The following LRRTM4 variants were observed in gnomAD, a reference collection of about 807,000 sequenced individuals.
LRRTM4 encodes leucine-rich repeat transmembrane neuronal protein 4.
Under a neutral mutation model 47.6 loss-of-function variants are expected in LRRTM4, and 25 were observed. That is an observed-to-expected ratio of 0.53 (90% CI 0.38 to 0.73). The LOEUF is 0.73. LRRTM4 is among the 30% of genes least tolerant of loss of function. LRRTM4 has a pLI of 0.00. For missense variants in LRRTM4, 638 were observed against 713.4 expected (o/e 0.89, Z 1.20); for synonymous variants, 311 against 269.5 (o/e 1.15, Z -1.51).
intron 3 of LRRTM4, among the ~76,000 whole-genome samples, chr2:77,049,149 T>TAC (rs1558549492): frequency 1.5e-5 from 2 of 135,432 alleles, no homozygotes; most frequent in African/African-American, 3.0e-5. Flanking sequence ...TATATATATA[T>TAC]ATATATATAC....
chr2:76,758,036 G>C (rs1405251169), intron 3 of LRRTM4, among the ~76,000 whole-genome samples: 1 of 152,144 alleles, frequency 6.6e-6, no homozygotes, highest in Non-Finnish European at 1.5e-5. Context: ...CCAATATTTA[G>C]AGTAGCCTAT....
intron 3 of LRRTM4, among the ~76,000 whole-genome samples, chr2:77,126,138 C>T (rs1671647309): frequency 6.6e-6 from 1 of 151,608 alleles, no homozygotes; most frequent in Non-Finnish European, 1.5e-5. Flanking sequence ...TATTTGTTTA[C>T]CCCCACTCAA....
chr2:77,516,634 C>A, intron 3 of LRRTM4: 1 of 983,262 alleles, frequency 1.0e-6, no homozygotes, highest in Non-Finnish European at 1.2e-6. Context: ...AATTGTGGGC[C>A]TGCAATAAAA....
At chr2:77,137,455 A>C (rs915183285) in intron 3 of LRRTM4, among the ~76,000 whole-genome samples, 15 of 152,040 alleles carry the variant, frequency 9.9e-5, no homozygotes, top group Admixed American at 3.3e-4. Context: ...GGCCTGCCCT[A>C]CAGGAGCACC....
chr2:77,393,864 G>A (rs1316934066), intron 3 of LRRTM4, among the ~76,000 whole-genome samples: 1 of 151,824 alleles, frequency 6.6e-6, no homozygotes. Flanking sequence ...AGAGTCCAGG[G>A]TTGCCAGATT....
chr2:77,095,026 C>G (rs1670768360), intron 3 of LRRTM4, among the ~76,000 whole-genome samples: 1 of 152,078 alleles, frequency 6.6e-6, no homozygotes, highest in Non-Finnish European at 1.5e-5. Context: ...AATCATAAAA[C>G]TGATAAGAGG....
Position 77,135,566 on chromosome 2 carries a change from A to G in LRRTM4, c.1551+382752T>C, listed in dbSNP as rs531608955. Reference sequence around the variant, plus strand: ...GGATTTGATCGAGAAAGTAAATGCAATATTTACTTATTACAATGACTCATT... The same window carrying G: ...GGATTTGATCGAGAAAGTAAATGCAGTATTTACTTATTACAATGACTCATT... On this transcript the variant is annotated intron_variant, in intron 3 of 3. Transcript: ENST00000409884. Among the ~76,000 whole-genome samples, 6 of 152,326 alleles carry G rather than the reference A, an allele frequency of 3.9e-5. No homozygotes were observed. In the South Asian group the frequency reaches 1.2e-3, roughly 32 times the overall value.
intron 3 of LRRTM4, among the ~76,000 whole-genome samples, chr2:76,968,383 T>TATATATATAC (rs797010446): frequency 4.9e-4 from 55 of 111,368 alleles, no homozygotes; most frequent in East Asian, 3.7e-3. Context: ...TATATATATA[T>TATATATATAC]ACACATACAT....
At chr2:77,276,075 AAC>A (rs1282776546) in intron 3 of LRRTM4, among the ~76,000 whole-genome samples, 1 of 152,092 alleles carries the variant, frequency 6.6e-6, no homozygotes, top group African/African-American at 2.4e-5. Context: ...AAAACTAACA[AAC>A]AAAGAAAAAA....
At chr2:77,129,564 T>TGG (rs1481386141) in intron 3 of LRRTM4, among the ~76,000 whole-genome samples, 2 of 152,206 alleles carry the variant, frequency 1.3e-5, no homozygotes, top group Non-Finnish European at 1.5e-5. Context: ...AAGCATCACA[T>TGG]ATTGTTTATA....
intron 3 of LRRTM4, among the ~76,000 whole-genome samples, chr2:77,040,722 C>T (rs1679000945): frequency 6.6e-6 from 1 of 151,430 alleles, no homozygotes; most frequent in African/African-American, 2.4e-5. Flanking sequence ...GGAAACTAAC[C>T]AGTCCACTAA....
At chr2:77,033,081 T>C (rs1303588765) in intron 3 of LRRTM4, among the ~76,000 whole-genome samples, 13 of 152,028 alleles carry the variant, frequency 8.6e-5, no homozygotes, top group Admixed American at 8.5e-4. Context: ...GTTTTAAAGT[T>C]GAAAAATAGC....
At chr2:77,126,168 C>T (rs918049552) in intron 3 of LRRTM4, among the ~76,000 whole-genome samples, 1 of 151,794 alleles carries the variant, frequency 6.6e-6, no homozygotes. Flanking sequence ...TCAAAGCACA[C>T]TGTACCTTTA....
Position 76,748,525 on chromosome 2 carries a change from T to C in LRRTM4, c.*170A>G, listed in dbSNP as rs1285641105. Reference sequence around the variant, plus strand: ...CCGGTAATGCTGCAGGTGCATTCGCTGCCCTCTTCAAGCAGTTTTTTTTTC... The same window carrying C: ...CCGGTAATGCTGCAGGTGCATTCGCCGCCCTCTTCAAGCAGTTTTTTTTTC... On this transcript the variant is annotated 3_prime_UTR_variant, in exon 4 of 4. Coordinates refer to ENST00000409884, the MANE Select transcript of LRRTM4 (RefSeq NM_001134745.3). The C allele has an allele frequency of 8.2e-6, 5 of 610,752 alleles. No homozygotes were observed. The highest frequency in any genetic ancestry group is 5.7e-6 in the Non-Finnish European group (2 of 348,766). The allele number at this position is 610,752 out of a possible 1,614,324, so 37.8% of individuals were successfully genotyped here.
chr2:76,938,439 T>C (rs1488482053), intron 3 of LRRTM4, among the ~76,000 whole-genome samples: 6 of 152,186 alleles, frequency 3.9e-5, no homozygotes, highest in African/African-American at 1.4e-4. Context: ...AGAGTGATTT[T>C]ACTGATGATG....
chr2:77,155,200 ATTTAATT>A (rs1290915379), intron 3 of LRRTM4, among the ~76,000 whole-genome samples: 1 of 152,024 alleles, frequency 6.6e-6, no homozygotes, highest in Non-Finnish European at 1.5e-5. Context: ...GCATATAAAT[ATTTAATT>A]TTTATTTTCT....
At chr2:77,250,837 C>T (rs1258948819) in intron 3 of LRRTM4, among the ~76,000 whole-genome samples, 1 of 152,112 alleles carries the variant, frequency 6.6e-6, no homozygotes, top group African/African-American at 2.4e-5. Context: ...GGCGTGATGG[C>T]TCACGCCTGT....
At chr2:77,085,257 A>G (rs967187916) in intron 3 of LRRTM4, among the ~76,000 whole-genome samples, 2 of 151,962 alleles carry the variant, frequency 1.3e-5, no homozygotes, top group Non-Finnish European at 2.9e-5. Context: ...TGATACATTA[A>G]TTTCATAGTA....
intron 3 of LRRTM4, among the ~76,000 whole-genome samples, chr2:76,998,786 T>G (rs1677302191): frequency 6.8e-6 from 1 of 147,126 alleles, no homozygotes; most frequent in African/African-American, 2.5e-5. Flanking sequence ...TTTTTTTTCC[T>G]TAACATCAGG....
Sources: allele counts gnomAD v4.1 joint callset (sites outside exome capture counted in the v4.1 genomes callset), GRCh38; gene constraint gnomAD v4.1.1; transcripts MANE v1.5; gene names NCBI Gene and HGNC (gene_info 2026-07-23, HGNC 2026-07-21).